The following ZXDC variants were observed in gnomAD, a reference collection of about 807,000 sequenced individuals.
The protein encoded by ZXDC is zinc finger protein ZXDC.
ZXDC carries 58 observed loss-of-function variants against 63.6 expected under a neutral mutation model. The ratio of observed to expected loss-of-function variants is 0.91; its 90% CI spans 0.74 to 1.13. The LOEUF is 1.13. ZXDC is among the 50% of genes most tolerant of loss of function. The pLI is 0.00. For missense variants in ZXDC, 1,133 were observed against 1,148.9 expected, an observed-to-expected ratio of 0.99 and a Z score of 0.20; for synonymous variants, 561 against 496.1, an observed-to-expected ratio of 1.13 and a Z score of -1.74.
chr3:126,454,936 G>A (rs1050271177), intron 7 of ZXDC: 1 of 985,448 alleles, frequency 1.0e-6, no homozygotes, highest in Non-Finnish European at 1.2e-6. Flanking sequence ...AATGGGAAGA[G>A]TCTTGGATTT....
intron 7 of ZXDC, chr3:126,457,195 G>C (rs1397758228): frequency 1.1e-6 from 1 of 920,420 alleles, no homozygotes; most frequent in African/African-American, 1.8e-5. Flanking sequence ...CAGCTGCCAG[G>C]ACTGCGGCCA....
At position 126,475,584 on chromosome 3, in the gene ZXDC, C is replaced by T; in HGVS notation, c.282G>A (p.Gln94=). 6.8e-7 allele frequency: 1 copy of T among 1,459,966 alleles called. No individual in the cohort carries two copies. Among genetic ancestry groups the T allele is most frequent in the South Asian group, 1.3e-5 (1 of 78,914 alleles). The allele number at this position is 1,459,966 out of a possible 1,614,324, so 90.4% of individuals were successfully genotyped here. ...GGAAAEAAGS[Q]EAEPGSRVNL... ...TGACACGGGAGCCAGGCTCGGCCTC[C>T]TGTGATCCGGCAGCCTCGGCGGCAG... The change falls in exon 1 of 10, where the codon CAG becomes CAA. Residue 94 remains glutamine, a synonymous_variant. Coordinates refer to ENST00000389709, the MANE Select transcript of ZXDC (RefSeq NM_025112.5).
chr3:126,453,352 G>A (rs1003541778), intron 7 of ZXDC: 7 of 985,208 alleles, frequency 7.1e-6, no homozygotes, highest in Non-Finnish European at 8.4e-6. Flanking sequence ...GTTTTCTTTG[G>A]CCCATACCAA....
In ZXDC at chr3:126,471,783, A is replaced by T. The variant is rs901643138; in HGVS notation, c.1139+190T>A. Among the ~76,000 whole-genome samples the T allele has an allele frequency of 3.3e-5, 5 of 152,280 alleles. No individual in the cohort carries two copies. The East Asian group carries it at 7.7e-4, about 23-fold the overall frequency. On this transcript the variant is annotated intron_variant, in intron 3 of 9. Coordinates refer to ENST00000389709, the MANE Select transcript of ZXDC (RefSeq NM_025112.5). The stretch of plus-strand genomic sequence containing the variant: ...TTTTAAAAAAAGTATACACAGAAAA[A>T]ACTGACTTCAGGTGATGAGATTCTG...
At chr3:126,459,864 A>G in intron 6 of ZXDC, 127 bp from the exon 7 acceptor site, 1 of 1,559,012 alleles carries the variant, frequency 6.4e-7, no homozygotes. Flanking sequence ...AGTCACCAGC[A>G]AGGCACACAA....
chr3:126,462,341 C>A, intron 5 of ZXDC, 121 bp from the exon 6 acceptor site: 3 of 1,435,444 alleles, frequency 2.1e-6, no homozygotes, highest in Admixed American at 2.8e-5. Flanking sequence ...TCTTCCCACA[C>A]CCTGAAGCTT....
At chr3:126,454,225 A>G (rs1934220602) in intron 7 of ZXDC, 1 of 984,578 alleles carries the variant, frequency 1.0e-6, no homozygotes, top group Non-Finnish European at 1.2e-6. Context: ...CTGCTTGATC[A>G]GCAAATAATG....
In ZXDC at chr3:126,461,010, T is replaced by C. The variant is rs1189737596; in HGVS notation, c.2127+525A>G. Reference sequence around the variant, plus strand: ...AAATGTATAATTGATATAAAGTATATTAACTGTCCAGCCTCAAAACTGGGG... The same window carrying C: ...AAATGTATAATTGATATAAAGTATACTAACTGTCCAGCCTCAAAACTGGGG... On this transcript the variant is annotated intron_variant, in intron 6 of 9. Coordinates refer to ENST00000389709, the MANE Select transcript of ZXDC (RefSeq NM_025112.5). 3.1e-6 allele frequency: 3 copies of C among 981,582 alleles called. No individual in the cohort carries two copies. The African/African-American group carries it at 5.2e-5, about 17-fold the overall frequency. 60.8% of individuals were successfully genotyped at this position (981,582 alleles called of 1,614,324 possible). A position where few individuals can be genotyped will look rare whatever the true frequency, so the allele number is the denominator to read the frequency against.
chr3:126,475,401 G>A lies in ZXDC; in HGVS notation c.465C>T (p.Thr155=). The change falls in exon 1 of 10, where the codon ACC becomes ACT. Residue 155 remains threonine, a synonymous_variant. Transcript: ENST00000389709. The part of the protein sequence containing the change: ...LALSAPPGPA[T]AGAAAPRRAP... ...CGCGGCGGGGAGCGGCGGCGCCCGC[G>A]GTTGCGGGGCCGGGCGGCGCAGACA... is the stretch of plus-strand genomic sequence containing the variant. The A allele has an allele frequency of 1.7e-6, 2 of 1,200,732 alleles. No homozygotes were observed. The highest frequency in any genetic ancestry group is 4.1e-5 in the South Asian group (1 of 24,330). The allele number at this position is 1,200,732 out of a possible 1,614,324, so 74.4% of individuals were successfully genotyped here.
intron 7 of ZXDC, among the ~76,000 whole-genome samples, chr3:126,446,236 C>T (rs567173193): frequency 1.3e-5 from 2 of 152,170 alleles, no homozygotes; most frequent in Non-Finnish European, 2.9e-5. Context: ...AAATCCAACA[C>T]CAAGCAACCT....
At chr3:126,453,051 A>C in intron 7 of ZXDC, 1 of 985,332 alleles carries the variant, frequency 1.0e-6, no homozygotes, top group African/African-American at 1.7e-5. Flanking sequence ...CAGATTTTTC[A>C]TGGGAAGCTT....
At chr3:126,470,858 C>G (rs758417335) in intron 4 of ZXDC, 37 bp downstream of exon 4, 5 of 1,607,370 alleles carry the variant, frequency 3.1e-6, no homozygotes, top group Non-Finnish European at 3.4e-6. Context: ...TGGCATTGCA[C>G]TTAGTTTACT....
rs150362193 is a variant in ZXDC, at chr3:126,469,179, A to G, written c.1270+1716T>C. Among the ~76,000 whole-genome samples, 819 of 152,298 alleles carry G rather than the reference A, an allele frequency of 5.4e-3. 18 individuals are homozygous for G. In the East Asian group the frequency reaches 0.08, roughly 15 times the overall value. Reference sequence around the variant, plus strand: ...ACTCGAATCCAGGCAGTCTGACTCCAGAATTCAGGCTTTTGATCAACTACA... The same window carrying G: ...ACTCGAATCCAGGCAGTCTGACTCCGGAATTCAGGCTTTTGATCAACTACA... On this transcript the variant is annotated intron_variant, in intron 4 of 9. Coordinates refer to ENST00000389709, the MANE Select transcript of ZXDC (RefSeq NM_025112.5).
chr3:126,451,931 C>T, intron 7 of ZXDC: 1 of 985,418 alleles, frequency 1.0e-6, no homozygotes, highest in Non-Finnish European at 1.2e-6. Context: ...GTGAAGGACA[C>T]ACGACAAAAA....
intron 7 of ZXDC, among the ~76,000 whole-genome samples, chr3:126,455,853 A>C (rs1340576597): frequency 6.6e-6 from 1 of 151,986 alleles, no homozygotes; most frequent in Non-Finnish European, 1.5e-5. Context: ...AAAAAAAAAA[A>C]ATTAGCTGGG....
intron 7 of ZXDC, among the ~76,000 whole-genome samples, chr3:126,446,375 C>T (rs1340100546): frequency 3.3e-5 from 5 of 152,172 alleles, no homozygotes; most frequent in East Asian, 1.9e-4. Flanking sequence ...CCATCATCTG[C>T]GGTGAATGGA....
intron 7 of ZXDC, chr3:126,458,615 A>G: frequency 2.0e-6 from 2 of 985,218 alleles, no homozygotes; most frequent in Non-Finnish European, 2.4e-6. Flanking sequence ...CTTTATAGAT[A>G]GTACTCCAAA....
chr3:126,438,473 A>G lies in ZXDC; in HGVS notation c.2491-12T>C. On this transcript the variant is annotated splice_polypyrimidine_tract_variant and intron_variant, in intron 9 of 9. Transcript: ENST00000389709. ...GAGGGGAGCACCTCCTGCAAAACCA[A>G]GCATTGTCATGAAGAGGGAGGAGGG... is the stretch of plus-strand genomic sequence containing the variant. The G allele has an allele frequency of 6.2e-7, 1 of 1,612,354 alleles. No homozygotes were observed.
chr3:126,439,547 C>T, intron 9 of ZXDC, 85 bp downstream of exon 9: 2 of 1,548,982 alleles, frequency 1.3e-6, no homozygotes, highest in Non-Finnish European at 1.7e-6. Flanking sequence ...CAGTGACCAG[C>T]CTGCAGCTGT....
Sources: allele counts gnomAD v4.1 joint callset (sites outside exome capture counted in the v4.1 genomes callset), GRCh38; gene constraint gnomAD v4.1.1; transcripts MANE v1.5; gene names NCBI Gene and HGNC (gene_info 2026-07-23, HGNC 2026-07-21).